NEXN: variants seen among roughly 807,000 people sequenced by gnomAD.
NEXN encodes the protein nexilin.
A neutral mutation model predicts 92.6 loss-of-function variants in NEXN; 65 were observed. The observed-to-expected ratio is 0.70, with a 90% CI of 0.57 to 0.86. The LOEUF (loss-of-function observed/expected upper bound fraction) is 0.86, where lower values mean the gene tolerates loss of function less well. Among genes scored for constraint, NEXN ranks in the 40% least tolerant of loss-of-function variants. The pLI, the probability that NEXN is intolerant of heterozygous loss-of-function variation, is 0.00. For missense variants in NEXN, 778 were observed against 771.1 expected, an observed-to-expected ratio of 1.01 and a Z score of -0.11; for synonymous variants, 254 against 242.5, an observed-to-expected ratio of 1.05 and a Z score of -0.44.
intron 1 of NEXN, among the ~76,000 whole-genome samples, chr1:77,913,022 A>C (rs1264833101): frequency 6.6e-6 from 1 of 152,218 alleles, no homozygotes; most frequent in Non-Finnish European, 1.5e-5. Flanking sequence ...GACTTGGAGA[A>C]AATATTTGCA....
In NEXN at chr1:77,936,003, G is replaced by A. The variant is rs1309129145; in HGVS notation, c.1432G>A (p.Asp478Asn). The A allele has an allele frequency of 3.7e-5, 60 of 1,613,618 alleles. No individual in the cohort carries two copies. The highest frequency in any genetic ancestry group is 4.9e-5 in the Non-Finnish European group (58 of 1,179,936). ...EEERARRRAI[D>N]LEIKEREAEN... ...AGAGCGAGCAAGAAGGAGAGCAATT[G>A]ACCTTGAAATTAAAGAGCGAGAAGC... is the stretch of plus-strand genomic sequence containing the variant. The change falls in exon 11 of 13, where the codon GAC becomes AAC. Residue 478 changes from aspartate (D) to asparagine (N), a missense_variant. By Grantham distance (23) the Asp-to-Asn change is conservative. Transcript: ENST00000334785.
At chr1:77,904,183 G>T (rs1457579677) in intron 1 of NEXN, among the ~76,000 whole-genome samples, 1 of 151,926 alleles carries the variant, frequency 6.6e-6, no homozygotes, top group Non-Finnish European at 1.5e-5. Flanking sequence ...AGTAGGGATG[G>T]TGTTTCACCA....
chr1:77,938,687 G>A (rs1650996104), intron 11 of NEXN, among the ~76,000 whole-genome samples: 1 of 151,958 alleles, frequency 6.6e-6, no homozygotes, highest in East Asian at 1.9e-4. Context: ...AATCAAATTG[G>A]GTGGTCAATA....
rs200345240 is a variant in NEXN at position 77,917,644 on chromosome 1, G to A, written c.106G>A (p.Glu36Lys). The change falls in exon 3 of 13, where the codon GAA (glutamate) becomes AAA (lysine). Residue 36 changes from glutamate to lysine, a missense_variant. By Grantham distance (56) the Glu-to-Lys change is moderately conservative. This residue lies in a region of NEXN where 236 missense variants were observed against 265.6 expected (regional missense o/e 0.89). Transcript: ENST00000334785. ...CAAGGGTGATGTAAAGGATAAGTTT[G>A]AAGCCATGCAGAGAGCCAGGGAAGA... Reference protein sequence around the residue: ...LGKGDVKDKFEAMQRAREERN... With the variant: ...LGKGDVKDKFKAMQRAREERN... 6.8e-6 allele frequency: 11 copies of A among 1,613,438 alleles called. No homozygotes were observed. The East Asian group carries it at 2.5e-4, about 36-fold the overall frequency.
Position 77,942,032 on chromosome 1 carries a change from G to A in NEXN, c.1483G>A (p.Val495Ile), listed in dbSNP as rs755975282. 11 of 1,612,762 alleles carry A rather than the reference G, an allele frequency of 6.8e-6. No individual in the cohort carries two copies. Among genetic ancestry groups the A allele is most frequent in the Middle Eastern group, 1.7e-4 (1 of 6,058 alleles). The stretch of plus-strand genomic sequence containing the variant: ...GCCCACTTTCTTGCAGGAAGATGAT[G>A]TTGATGTTAGGCCTGCAAGAAAAAG... ...EAENFHEEDDVDVRPARKSEA... is the reference protein window; with the variant it reads ...EAENFHEEDDIDVRPARKSEA... Residue 495 changes from valine to isoleucine, a missense_variant, in exon 12 of 13, where the codon GTT becomes ATT. Val to Ile is a conservative substitution (Grantham distance 29, BLOSUM62 3). Transcript: ENST00000334785.
In NEXN at chr1:77,917,593, C is replaced by T. The variant is rs199981645; in HGVS notation, c.55C>T (p.Pro19Ser). The change falls in exon 3 of 13, where the codon CCA (proline) becomes TCA (serine). Residue 19 changes from proline (P) to serine (S), a missense_variant. By Grantham distance (74) the Pro-to-Ser change is moderately conservative. Around this residue, in one of 3 missense-constraint regions of NEXN, gnomAD observed 236 missense variants for 265.6 expected, o/e 0.89. Coordinates refer to ENST00000334785, the MANE Select transcript of NEXN (RefSeq NM_144573.4). ...TCTGCTTTCTTCATCTAAACCTGTCCCAAAAACCTATGTACCAAAACTTGG... is the reference window on the plus strand; with the variant it reads ...TCTGCTTTCTTCATCTAAACCTGTCTCAAAAACCTATGTACCAAAACTTGG... ...EILLSSSKPV[P>S]KTYVPKLGKG... 3.1e-6 allele frequency: 5 copies of T among 1,612,554 alleles called. No homozygotes were observed. Among genetic ancestry groups the T allele is most frequent in the Non-Finnish European group, 4.2e-6 (5 of 1,179,438 alleles).
At chr1:77,898,493 C>T (rs1647417071) in intron 1 of NEXN, among the ~76,000 whole-genome samples, 2 of 152,128 alleles carry the variant, frequency 1.3e-5, no homozygotes, top group Admixed American at 6.6e-5. Context: ...TTCCTTATAC[C>T]TTGTAGAAAA....
rs144715360 is a variant in NEXN, at chr1:77,926,280, T to C, written c.490-134T>C. 2,846 of 607,226 alleles carry C rather than the reference T, an allele frequency of 4.7e-3. 14 individuals are homozygous for C. The highest frequency in any genetic ancestry group is 9.0e-3 in the Admixed American group (277 of 30,774). 37.6% of individuals were successfully genotyped at this position (607,226 alleles called of 1,614,324 possible). A position where few individuals can be genotyped will look rare whatever the true frequency, so the allele number is the denominator to read the frequency against. ...ATTTAGAGTAGGAGATATTTAATAA[T>C]AATCTGTAAAAAAATGTTCTTCATA... On this transcript the variant is annotated intron_variant, in intron 6 of 12. Transcript: ENST00000334785.
At chr1:77,939,869 T>C (rs907423330) in intron 11 of NEXN, among the ~76,000 whole-genome samples, 2 of 152,012 alleles carry the variant, frequency 1.3e-5, no homozygotes, top group Non-Finnish European at 2.9e-5. Flanking sequence ...AGGTCAGGAG[T>C]TCGAGACCAG....
At chr1:77,920,666 ATAG>A (rs2102103181) in intron 5 of NEXN, among the ~76,000 whole-genome samples, 1 of 151,316 alleles carries the variant, frequency 6.6e-6, no homozygotes, top group South Asian at 2.1e-4. Context: ...GTGGGGATTA[ATAG>A]TAGATACAGT....
chr1:77,907,500 GGCAGAACAGA>G (rs1648204755), intron 1 of NEXN, among the ~76,000 whole-genome samples: 1 of 152,100 alleles, frequency 6.6e-6, no homozygotes, highest in Non-Finnish European at 1.5e-5. Flanking sequence ...ATCCTCAAAA[GGCAGAACAGA>G]GCAAACTTTG....
chr1:77,893,240 T>C (rs1647148470), intron 1 of NEXN, among the ~76,000 whole-genome samples: 3 of 152,146 alleles, frequency 2.0e-5, no homozygotes, highest in Admixed American at 2.0e-4. Flanking sequence ...AGCTTGGCTA[T>C]AAAGAGGAGT....
At chr1:77,935,630 T>A (rs906252658) in intron 10 of NEXN, among the ~76,000 whole-genome samples, 193 bp from the exon 11 acceptor site, 2 of 152,258 alleles carry the variant, frequency 1.3e-5, no homozygotes, top group African/African-American at 4.8e-5. Flanking sequence ...GGATGGTTTC[T>A]TGTACAAACT....
At chr1:77,903,891 C>T (rs796726261) in intron 1 of NEXN, among the ~76,000 whole-genome samples, 12 of 152,286 alleles carry the variant, frequency 7.9e-5, no homozygotes, top group African/African-American at 2.9e-4. Flanking sequence ...CACCACTTCT[C>T]TCCAGCCTGG....
At chr1:77,935,396 C>T (rs1650666831) in intron 10 of NEXN, among the ~76,000 whole-genome samples, 1 of 152,150 alleles carries the variant, frequency 6.6e-6, no homozygotes, top group African/African-American at 2.4e-5. Flanking sequence ...ACAACTCCTA[C>T]AAAAAGCTAA....
chr1:77,895,352 G>C (rs1191029535), intron 1 of NEXN, among the ~76,000 whole-genome samples: 5 of 151,834 alleles, frequency 3.3e-5, no homozygotes, highest in African/African-American at 1.2e-4. Flanking sequence ...GTCACCTATA[G>C]TGTAATTTTT....
intron 1 of NEXN, among the ~76,000 whole-genome samples, chr1:77,900,229 T>C (rs1207267961): frequency 1.3e-5 from 2 of 152,204 alleles, no homozygotes; most frequent in Admixed American, 6.5e-5. Flanking sequence ...TTTTCCTGGA[T>C]GCCTTTACAA....
chr1:77,916,595 C>G (rs985368727), intron 2 of NEXN, among the ~76,000 whole-genome samples: 1 of 152,034 alleles, frequency 6.6e-6, no homozygotes, highest in Non-Finnish European at 1.5e-5. Context: ...GTAAGAAGAG[C>G]TCAGTTGCTG....
chr1:77,934,784 T>G (rs1412144343), intron 10 of NEXN, among the ~76,000 whole-genome samples: 1 of 152,212 alleles, frequency 6.6e-6, no homozygotes, highest in African/African-American at 2.4e-5. Context: ...AGATGTAGCC[T>G]CATGACTTGG....
Sources: allele counts gnomAD v4.1 joint callset (sites outside exome capture counted in the v4.1 genomes callset), GRCh38; gene constraint gnomAD v4.1.1; regional missense constraint gnomAD v4.1.1; transcripts MANE v1.5; gene names NCBI Gene and HGNC (gene_info 2026-07-23, HGNC 2026-07-21).